The following GCA variants were observed in gnomAD, a reference collection of about 807,000 sequenced individuals.
GCA encodes the protein grancalcin, EF-hand calcium-binding protein.
In GCA, 30 loss-of-function variants were observed where a neutral mutation model predicts 32.6. That is an observed-to-expected ratio of 0.92 (90% CI 0.69 to 1.25). The LOEUF is 1.25. GCA is among the 50% of genes most tolerant of loss of function. GCA has a pLI of 0.00. For missense variants in GCA, 291 were observed against 266.8 expected, an observed-to-expected ratio of 1.09 and a Z score of -0.63; for synonymous variants, 102 against 84.6, an observed-to-expected ratio of 1.21 and a Z score of -1.13.
At chr2:162,330,657 T>A (rs1471814526) in intron 1 of GCA, among the ~76,000 whole-genome samples, 2 of 152,270 alleles carry the variant, frequency 1.3e-5, no homozygotes, top group Non-Finnish European at 2.9e-5. Flanking sequence ...ACAGTCTCCA[T>A]GGTTAGAACT....
Position 162,362,078 on chromosome 2 carries a change from T to C in GCA, c.*1835T>C, listed in dbSNP as rs1405917119. ...ACACAATTTTCATTTAAAAATGTTCTTATGACTTTTGGTCATAGAAGGTCT... is the reference window on the plus strand; with the variant it reads ...ACACAATTTTCATTTAAAAATGTTCCTATGACTTTTGGTCATAGAAGGTCT... On this transcript the variant is annotated 3_prime_UTR_variant, in exon 8 of 8. Transcript: ENST00000437150. 3.1e-6 allele frequency: 3 copies of C among 982,784 alleles called. No homozygotes were observed. The highest frequency in any genetic ancestry group is 1.0e-3 in the Middle Eastern group (2 of 1,912). The allele number at this position is 982,784 out of a possible 1,614,324, so 60.9% of individuals were successfully genotyped here. A position where few individuals can be genotyped will look rare whatever the true frequency, so the allele number is the denominator to read the frequency against.
Position 162,344,264 on chromosome 2 carries a change from T to C in GCA, c.16T>C (p.Tyr6His). The C allele has an allele frequency of 6.2e-7, 1 of 1,613,622 alleles. No individual in the cohort carries two copies. The highest frequency in any genetic ancestry group is 8.5e-7 in the Non-Finnish European group (1 of 1,179,826). MAYPG[Y>H]GGGFGNFSIQ... The stretch of plus-strand genomic sequence containing the variant: ...CCCGCTCGTCATGGCCTACCCGGGA[T>C]ACGGAGGAGGGGTGAGTCCCAGCCG... Residue 6 changes from tyrosine (Y) to histidine (H), a missense_variant, in exon 1 of 8, where the codon TAC becomes CAC. Transcript: ENST00000437150.
At chr2:162,323,215 A>C (rs1377884589) in intron 1 of GCA, among the ~76,000 whole-genome samples, 1 of 151,836 alleles carries the variant, frequency 6.6e-6, no homozygotes, top group African/African-American at 2.4e-5. Flanking sequence ...TCTTTTGACA[A>C]GTGTCTGTTC....
At chr2:162,347,984 C>T (rs551927502) in intron 2 of GCA, among the ~76,000 whole-genome samples, 3 of 152,082 alleles carry the variant, frequency 2.0e-5, no homozygotes, top group East Asian at 1.9e-4. Context: ...TTCCATAGTG[C>T]GGAAATCTGA....
chr2:162,350,363 T>C (rs578202547), intron 2 of GCA, among the ~76,000 whole-genome samples: 1 of 152,294 alleles, frequency 6.6e-6, no homozygotes, highest in East Asian at 1.9e-4. Context: ...TAGAGACTGA[T>C]GACATGTCTA....
chr2:162,374,916 G>A (rs567747215), downstream of GCA, among the ~76,000 whole-genome samples: 5 of 152,192 alleles, frequency 3.3e-5, no homozygotes, highest in African/African-American at 1.2e-4. Flanking sequence ...GAAAAATTGA[G>A]TTATCAACTG....
downstream of GCA, among the ~76,000 whole-genome samples, chr2:162,375,016 T>G (rs550159478): frequency 6.6e-6 from 1 of 152,324 alleles, no homozygotes; most frequent in East Asian, 1.9e-4. Context: ...CACTGTTATG[T>G]GTTATACATA....
chr2:162,344,679 C>T (rs534563564), intron 1 of GCA, among the ~76,000 whole-genome samples: 1 of 145,872 alleles, frequency 6.9e-6, no homozygotes, highest in Non-Finnish European at 1.5e-5. Context: ...TCTTTAAGTT[C>T]CTTATGAATA....
chr2:162,354,227 A>G (rs190129304), intron 3 of GCA, among the ~76,000 whole-genome samples: 37 of 152,230 alleles, frequency 2.4e-4, no homozygotes, highest in African/African-American at 8.4e-4. Context: ...GATCATGGTT[A>G]GGCATTGATT....
intron 1 of GCA, among the ~76,000 whole-genome samples, chr2:162,338,321 G>T (rs11892373): frequency 0.11 from 16,176 of 152,128 alleles, 1,950 homozygotes; most frequent in African/African-American, 0.26. Context: ...AGTTGGCCAA[G>T]AATATATTTA....
chr2:162,319,109 G>C (rs1683576243), exon 1 of GCA: 1 of 455,758 alleles, frequency 2.2e-6, no homozygotes, highest in Non-Finnish European at 4.4e-6. Flanking sequence ...GGTGAGAGAT[G>C]AAGCTCAGAA....
intron 1 of GCA, among the ~76,000 whole-genome samples, chr2:162,346,335 T>C (rs1417699185): frequency 6.6e-6 from 1 of 152,228 alleles, no homozygotes; most frequent in Non-Finnish European, 1.5e-5. Flanking sequence ...TAATCTGTTT[T>C]CCCTTCCCAA....
intron 1 of GCA, among the ~76,000 whole-genome samples, chr2:162,327,984 G>A (rs1265341254): frequency 1.3e-5 from 2 of 152,172 alleles, no homozygotes; most frequent in Non-Finnish European, 2.9e-5. Context: ...GGCTCTTGGC[G>A]CCTCGTCTGC....
downstream of GCA, among the ~76,000 whole-genome samples, chr2:162,365,304 T>G (rs1685716937): frequency 6.6e-6 from 1 of 151,558 alleles, no homozygotes; most frequent in South Asian, 2.1e-4. Flanking sequence ...ACCAAAAATT[T>G]GCAACCATTT....
At chr2:162,323,515 T>G (rs1159093471) in intron 1 of GCA, among the ~76,000 whole-genome samples, 4 of 151,862 alleles carry the variant, frequency 2.6e-5, no homozygotes, top group Non-Finnish European at 5.9e-5. Context: ...ATGCCTAGGT[T>G]TTCTTCTAGG....
At chr2:162,341,267 T>TTTTA (rs373169689), upstream of GCA, among the ~76,000 whole-genome samples, 5 of 116,256 alleles carry the variant, frequency 4.3e-5, no homozygotes, top group Non-Finnish European at 3.5e-5. Flanking sequence ...CTTATTTATT[T>TTTTA]TATATATATA....
At chr2:162,374,144 C>A (rs1042123038), downstream of GCA, among the ~76,000 whole-genome samples, 1 of 152,104 alleles carries the variant, frequency 6.6e-6, no homozygotes, top group East Asian at 1.9e-4. Flanking sequence ...TTACCTCTGT[C>A]CTATTCATAT....
chr2:162,328,794 T>C (rs1683979273), intron 1 of GCA, among the ~76,000 whole-genome samples: 1 of 152,080 alleles, frequency 6.6e-6, no homozygotes, highest in Non-Finnish European at 1.5e-5. Context: ...ACTGGAAAAA[T>C]CGGAATCAAT....
At chr2:162,346,126 C>G (rs1684694657) in intron 1 of GCA, among the ~76,000 whole-genome samples, 1 of 152,030 alleles carries the variant, frequency 6.6e-6, no homozygotes, top group Non-Finnish European at 1.5e-5. Flanking sequence ...TTGTTTCTCA[C>G]TTTGGTCACA....
Sources: allele counts gnomAD v4.1 joint callset (sites outside exome capture counted in the v4.1 genomes callset), GRCh38; gene constraint gnomAD v4.1.1; transcripts MANE v1.5; gene names NCBI Gene and HGNC (gene_info 2026-07-23, HGNC 2026-07-21).